SPATA6: variants seen among roughly 807,000 people sequenced by gnomAD.
SPATA6 encodes the protein spermatogenesis-associated protein 6.
In SPATA6, 56 loss-of-function variants were observed where a neutral mutation model predicts 65.3. The observed-to-expected ratio is 0.86, with a 90% CI of 0.69 to 1.07. The LOEUF is 1.07. Among genes scored for constraint, SPATA6 ranks in the 50% least tolerant of loss-of-function variants. The pLI is 0.00. For missense variants in SPATA6, 590 were observed against 594.8 expected (o/e 0.99, Z 0.08); for synonymous variants, 199 against 213.2 (o/e 0.93, Z 0.58).
At chr1:48,356,652 T>C (rs1466266317) in intron 10 of SPATA6, among the ~76,000 whole-genome samples, 18 of 151,852 alleles carry the variant, frequency 1.2e-4, no homozygotes, top group Admixed American at 8.5e-4. Flanking sequence ...TAGCTGGGAT[T>C]GCCTGCCACT....
rs772275124 is a variant in SPATA6 at position 48,359,748 on chromosome 1, C to T, written c.932G>A (p.Arg311Lys). Residue 311 changes from arginine (R) to lysine (K), a missense_variant, in exon 10 of 13, where the codon AGA (arginine) becomes AAA (lysine). Arg to Lys is a conservative substitution (Grantham distance 26, BLOSUM62 2). Transcript: ENST00000371847. The stretch of plus-strand genomic sequence containing the variant: ...TTTTTCTAAAGAGTCATCGAAGTCT[C>T]TCCCATGGGGTGTCCTGATAACCTG... ...DYKVIRTPHG[R>K]DFDDSLEKCE... 1.5e-5 allele frequency: 24 copies of T among 1,612,772 alleles called. 1 individual carries two copies. In the Admixed American group the frequency reaches 3.8e-4, roughly 26 times the overall value.
At chr1:48,437,469 T>C (rs923841344) in intron 3 of SPATA6, among the ~76,000 whole-genome samples, 2 of 152,244 alleles carry the variant, frequency 1.3e-5, no homozygotes, top group Non-Finnish European at 2.9e-5. Flanking sequence ...TCTGGAATTT[T>C]TTTCTAAGCT....
At chr1:48,397,230 A>T (rs529814944) in intron 7 of SPATA6, among the ~76,000 whole-genome samples, 4 of 151,842 alleles carry the variant, frequency 2.6e-5, no homozygotes, top group South Asian at 2.1e-4. Flanking sequence ...TGAATACTTA[A>T]TAAGTACAGA....
intron 9 of SPATA6, among the ~76,000 whole-genome samples, chr1:48,363,520 G>A (rs1646883440): frequency 6.6e-6 from 1 of 152,078 alleles, no homozygotes; most frequent in East Asian, 1.9e-4. Flanking sequence ...TGAAAGGAAA[G>A]TGAAAACACT....
At chr1:48,434,569 T>C (rs575263056) in intron 3 of SPATA6, among the ~76,000 whole-genome samples, 9 of 150,810 alleles carry the variant, frequency 6.0e-5, no homozygotes, top group African/African-American at 2.2e-4. Context: ...CCTCTCTGAT[T>C]ATGACAAATC....
the SPATA6 span, among the ~76,000 whole-genome samples, chr1:48,267,952 C>T: frequency 6.6e-6 from 1 of 151,666 alleles, no homozygotes; most frequent in African/African-American, 2.4e-5. Flanking sequence ...GGGGTTTCAC[C>T]GTGTTAGCCA....
At chr1:48,294,897 C>T (rs1644790924), downstream of SPATA6, among the ~76,000 whole-genome samples, 2 of 152,206 alleles carry the variant, frequency 1.3e-5, no homozygotes. Context: ...CATTTTCATG[C>T]CTCTGCATGT....
intron 11 of SPATA6, among the ~76,000 whole-genome samples, chr1:48,312,509 A>G (rs755383574): frequency 2.2e-4 from 33 of 152,216 alleles, no homozygotes; most frequent in Non-Finnish European, 4.6e-4. Context: ...AGGAAAACTA[A>G]CAAAAAGAAA....
In SPATA6 at chr1:48,359,638, T is replaced by C; in HGVS notation, c.1042A>G (p.Met348Val). 6.2e-7 allele frequency: 1 copy of C among 1,613,714 alleles called. No individual in the cohort carries two copies. The highest frequency in any genetic ancestry group is 8.5e-7 in the Non-Finnish European group (1 of 1,179,738). Reference sequence around the variant, plus strand: ...ACAGGGCTTGGAGAATGCTTTGGCATTGTTGAGGGTGCTGAATGGACTAGC... The same window carrying C: ...ACAGGGCTTGGAGAATGCTTTGGCACTGTTGAGGGTGCTGAATGGACTAGC... ...TLLVHSAPST[M>V]PKHSPSPVLN... The change falls in exon 10 of 13, where the codon ATG (methionine) becomes GTG (valine). Residue 348 changes from methionine to valine, a missense_variant. Coordinates refer to ENST00000371847, the MANE Select transcript of SPATA6 (RefSeq NM_019073.4).
chr1:48,385,390 T>C, intron 8 of SPATA6, 41 bp from the exon 9 acceptor site: 5 of 1,570,216 alleles, frequency 3.2e-6, no homozygotes, highest in Non-Finnish European at 4.3e-6. Context: ...TTAAATTTGG[T>C]TTCATCTTTG....
At chr1:48,261,709 C>A in the SPATA6 span, among the ~76,000 whole-genome samples, 1 of 152,070 alleles carries the variant, frequency 6.6e-6, no homozygotes, top group Non-Finnish European at 1.5e-5. Context: ...TTTTTCCTCT[C>A]CACATTTCCC....
At chr1:48,314,419 A>G (rs1383589731) in intron 11 of SPATA6, among the ~76,000 whole-genome samples, 1 of 152,158 alleles carries the variant, frequency 6.6e-6, no homozygotes, top group East Asian at 1.9e-4. Context: ...ATGGAAACTG[A>G]ACAACCTGCT....
intron 11 of SPATA6, among the ~76,000 whole-genome samples, chr1:48,322,480 C>G (rs534996018): frequency 2.6e-5 from 4 of 152,026 alleles, no homozygotes; most frequent in Non-Finnish European, 4.4e-5. Context: ...AGGAAAACCT[C>G]AGCAATACCA....
intron 1 of SPATA6, among the ~76,000 whole-genome samples, chr1:48,461,335 T>C (rs1398361817): frequency 1.3e-5 from 2 of 152,208 alleles, no homozygotes; most frequent in Non-Finnish European, 2.9e-5. Context: ...AGAAGCTCTT[T>C]AGTTTAATTA....
chr1:48,451,740 T>C (rs1656590569), intron 2 of SPATA6, 140 bp from the exon 3 acceptor site: 2 of 707,192 alleles, frequency 2.8e-6, no homozygotes, highest in Admixed American at 3.3e-5. Context: ...CTCCTTCCCA[T>C]CACTACAAAA....
chr1:48,302,516 T>C (rs1644964602), intron 12 of SPATA6, among the ~76,000 whole-genome samples: 1 of 152,344 alleles, frequency 6.6e-6, no homozygotes, highest in East Asian at 1.9e-4. Context: ...GGAGTTAACA[T>C]AGCTTAGTGG....
intron 11 of SPATA6, chr1:48,325,386 T>C: frequency 2.9e-6 from 4 of 1,378,330 alleles, no homozygotes; most frequent in Non-Finnish European, 4.1e-6. Context: ...CCCTGATTCC[T>C]CCAGGCCCAA....
At chr1:48,278,195 CAA>C in the SPATA6 span, among the ~76,000 whole-genome samples, 1 of 150,356 alleles carries the variant, frequency 6.7e-6, no homozygotes, top group Non-Finnish European at 1.5e-5. Flanking sequence ...TCCCCATCAT[CAA>C]AGACCAAAAG....
chr1:48,437,476 A>G (rs936546478), intron 3 of SPATA6, among the ~76,000 whole-genome samples: 2 of 152,206 alleles, frequency 1.3e-5, no homozygotes, highest in Non-Finnish European at 2.9e-5. Context: ...TTTTTTTCTA[A>G]GCTGTGACTA....
Sources: allele counts gnomAD v4.1 joint callset (sites outside exome capture counted in the v4.1 genomes callset), GRCh38; gene constraint gnomAD v4.1.1; transcripts MANE v1.5; gene names NCBI Gene and HGNC (gene_info 2026-07-23, HGNC 2026-07-21).